The following SPON1 variants were observed in gnomAD, a reference collection of about 807,000 sequenced individuals.
SPON1 encodes the protein spondin-1.
In SPON1, 52 loss-of-function variants were observed where a neutral mutation model predicts 111.7. The ratio of observed to expected loss-of-function variants is 0.47; its 90% CI spans 0.37 to 0.59. SPON1 has a LOEUF of 0.59. SPON1 is among the 20% of genes least tolerant of loss of function. SPON1 has a pLI of 0.00. For missense variants in SPON1, 957 were observed against 1,068.5 expected, an observed-to-expected ratio of 0.90 and a Z score of 1.46; for synonymous variants, 410 against 395.8, an observed-to-expected ratio of 1.04 and a Z score of -0.43.
chr11:14,215,242 T>C (rs773391787), intron 6 of SPON1, among the ~76,000 whole-genome samples: 85 of 152,136 alleles, frequency 5.6e-4, no homozygotes, highest in Non-Finnish European at 1.0e-3. Flanking sequence ...TAATATGTCA[T>C]CAGTGGCTCC....
chr11:14,074,877 A>G (rs1554921266), intron 3 of SPON1, among the ~76,000 whole-genome samples: 1 of 152,252 alleles, frequency 6.6e-6, no homozygotes, highest in Non-Finnish European at 1.5e-5. Flanking sequence ...AAGATATAGA[A>G]TGACATTTTC....
At chr11:14,219,971 C>T (rs1848663463) in intron 6 of SPON1, among the ~76,000 whole-genome samples, 1 of 151,802 alleles carries the variant, frequency 6.6e-6, no homozygotes, top group Non-Finnish European at 1.5e-5. Flanking sequence ...TCTGAAGTCC[C>T]AGCTACTCAG....
intron 6 of SPON1, among the ~76,000 whole-genome samples, chr11:14,141,399 A>G (rs1847654744): frequency 6.6e-6 from 1 of 152,244 alleles, no homozygotes; most frequent in Non-Finnish European, 1.5e-5. Context: ...TGGTTCTTGC[A>G]TAAAACTCTG....
At chr11:14,038,676 G>A (rs1190957776) in intron 2 of SPON1, among the ~76,000 whole-genome samples, 1 of 152,194 alleles carries the variant, frequency 6.6e-6, no homozygotes, top group Admixed American at 6.5e-5. Flanking sequence ...CTATTAGAAT[G>A]ACCAAAATCC....
chr11:14,045,772 C>T (rs1848664069), intron 3 of SPON1, among the ~76,000 whole-genome samples: 1 of 151,480 alleles, frequency 6.6e-6, no homozygotes, highest in South Asian at 2.1e-4. Flanking sequence ...CAGATAATGA[C>T]ACTTTGTTGT....
intron 5 of SPON1, among the ~76,000 whole-genome samples, chr11:14,086,422 G>A (rs1554922639): frequency 6.6e-6 from 1 of 152,120 alleles, no homozygotes; most frequent in East Asian, 1.9e-4. Context: ...TTTTGTCATT[G>A]GTTCTGTTTA....
chr11:14,075,284 A>C (rs142049241), intron 3 of SPON1, 61 bp from the exon 4 acceptor site: 19 of 1,306,510 alleles, frequency 1.5e-5, no homozygotes, highest in Non-Finnish European at 1.1e-6. Context: ...TGTCTGACTG[A>C]TCTCCCAAAC....
chr11:14,031,535 G>A (rs1198440773), intron 2 of SPON1, among the ~76,000 whole-genome samples: 2 of 152,026 alleles, frequency 1.3e-5, no homozygotes, highest in Non-Finnish European at 2.9e-5. Context: ...AGGCTCCTAG[G>A]ACAAATGGAA....
intron 2 of SPON1, among the ~76,000 whole-genome samples, chr11:14,005,259 T>G (rs2133794933): frequency 6.6e-6 from 1 of 152,314 alleles, no homozygotes; most frequent in East Asian, 1.9e-4. Flanking sequence ...CTGGGATGGT[T>G]GGCAGCACCC....
chr11:13,988,720 C>T (rs1848204688), intron 2 of SPON1, among the ~76,000 whole-genome samples: 1 of 152,054 alleles, frequency 6.6e-6, no homozygotes, highest in East Asian at 1.9e-4. Flanking sequence ...GAGATATGTT[C>T]CATTAATACC....
intron 1 of SPON1, among the ~76,000 whole-genome samples, chr11:13,970,550 C>A (rs2133774177): frequency 6.6e-6 from 1 of 152,256 alleles, no homozygotes; most frequent in Admixed American, 6.5e-5. Flanking sequence ...GCAGGATGAA[C>A]CAAATGGTGA....
intron 1 of SPON1, among the ~76,000 whole-genome samples, chr11:13,976,698 C>T (rs1564877464): frequency 6.6e-6 from 1 of 152,138 alleles, no homozygotes; most frequent in Non-Finnish European, 1.5e-5. Flanking sequence ...ATCTTTTAAT[C>T]AAAATATAAC....
At chr11:14,195,874 G>A (rs552827513) in intron 6 of SPON1, among the ~76,000 whole-genome samples, 1 of 152,272 alleles carries the variant, frequency 6.6e-6, no homozygotes, top group South Asian at 2.1e-4. Flanking sequence ...CATCCTTAAT[G>A]AATACCTAAG....
intron 2 of SPON1, among the ~76,000 whole-genome samples, chr11:13,995,390 T>A (rs1386099408): frequency 3.3e-5 from 5 of 152,140 alleles, no homozygotes; most frequent in East Asian, 3.8e-4. Flanking sequence ...CAGTTCTGCA[T>A]AGCTGGGGAG....
intron 6 of SPON1, among the ~76,000 whole-genome samples, chr11:14,212,730 C>CT (rs1397514347): frequency 6.6e-6 from 1 of 152,122 alleles, no homozygotes; most frequent in Non-Finnish European, 1.5e-5. Flanking sequence ...TGTTTGTCTC[C>CT]TTTTTTGCTG....
intron 1 of SPON1, among the ~76,000 whole-genome samples, chr11:13,975,080 A>G (rs1591337287): frequency 1.3e-5 from 2 of 152,374 alleles, no homozygotes; most frequent in South Asian, 2.1e-4. Context: ...AGATAGACGC[A>G]GATGTTCTCT....
At chr11:13,984,599 G>A (rs372846532) in intron 2 of SPON1, among the ~76,000 whole-genome samples, 2 of 152,264 alleles carry the variant, frequency 1.3e-5, no homozygotes, top group African/African-American at 4.8e-5. Context: ...GAGCCATCAC[G>A]ACTTCATCAC....
chr11:14,117,529 C>T (rs1418352472), intron 5 of SPON1, among the ~76,000 whole-genome samples: 2 of 152,152 alleles, frequency 1.3e-5, no homozygotes. Flanking sequence ...ATAAACCCTA[C>T]ATTGTTATTA....
At chr11:14,238,084 G>T (rs943011632) in intron 6 of SPON1, among the ~76,000 whole-genome samples, 1 of 152,206 alleles carries the variant, frequency 6.6e-6, no homozygotes, top group Non-Finnish European at 1.5e-5. Context: ...GTGTTGTAAG[G>T]ATTAAATCAG....
Sources: allele counts gnomAD v4.1 joint callset (sites outside exome capture counted in the v4.1 genomes callset), GRCh38; gene constraint gnomAD v4.1.1; transcripts MANE v1.5; gene names NCBI Gene and HGNC (gene_info 2026-07-23, HGNC 2026-07-21).